TXNDC11: variants seen among roughly 807,000 people sequenced by gnomAD.
TXNDC11 encodes the protein thioredoxin domain containing 11.
In TXNDC11, 68 loss-of-function variants were observed where a neutral mutation model predicts 78.0. The observed-to-expected ratio is 0.87, with a 90% confidence interval of 0.72 to 1.07. TXNDC11 has a LOEUF of 1.07. Ranked by LOEUF, TXNDC11 falls within the 50% of genes least tolerant of loss-of-function variation. TXNDC11 has a pLI of 0.00. For synonymous variants in TXNDC11, 571 were observed against 495.2 expected, an observed-to-expected ratio of 1.15 and a Z score of -2.03; for missense variants, 1,389 against 1,221.8, an observed-to-expected ratio of 1.14 and a Z score of -2.04.
intron 5 of TXNDC11, among the ~76,000 whole-genome samples, chr16:11,703,164 C>G (rs1053047179): frequency 1.3e-5 from 2 of 152,208 alleles, no homozygotes; most frequent in African/African-American, 2.4e-5. Context: ...ACAAATAACC[C>G]TAACTATTGC....
intron 1 of TXNDC11, among the ~76,000 whole-genome samples, chr16:11,740,827 T>C (rs968326943): frequency 6.6e-6 from 1 of 152,246 alleles, no homozygotes; most frequent in African/African-American, 2.4e-5. Context: ...ATTCAAACTT[T>C]AATGGGGATT....
chr16:11,716,967 C>T (rs1056686220), intron 5 of TXNDC11, among the ~76,000 whole-genome samples: 2 of 151,986 alleles, frequency 1.3e-5, no homozygotes, highest in Admixed American at 1.3e-4. Flanking sequence ...AGAAAGGAAA[C>T]ATCATTTTAT....
intron 5 of TXNDC11, among the ~76,000 whole-genome samples, chr16:11,719,312 T>C (rs2051634426): frequency 6.6e-6 from 1 of 152,238 alleles, no homozygotes; most frequent in Non-Finnish European, 1.5e-5. Flanking sequence ...GGATGCTTCT[T>C]AAGCTTATTT....
chr16:11,717,694 G>A lies in TXNDC11; in HGVS notation c.793+3883C>T, dbSNP rs534755598. Among the ~76,000 whole-genome samples the A allele has an allele frequency of 2.4e-3, 365 of 151,644 alleles. 4 individuals carry two copies. Among genetic ancestry groups the A allele is most frequent in the Admixed American group, 3.7e-3 (57 of 15,212 alleles). Reference sequence around the variant, plus strand: ...AAATAAGCTGGGCGTGGTGGCAGGCGCCTGTAATCCCAGCTACTCGGGAGG... The same window carrying A: ...AAATAAGCTGGGCGTGGTGGCAGGCACCTGTAATCCCAGCTACTCGGGAGG... On this transcript the variant is annotated intron_variant, in intron 5 of 11. Coordinates refer to ENST00000283033, the MANE Select transcript of TXNDC11 (RefSeq NM_015914.7).
rs569502756 is a variant in TXNDC11, at chr16:11,693,463, G to A, written c.1108-1381C>T. ...CACTCAGGATTTTGTTTCGCTGTGT[G>A]TGTGTGTGTGTCTGTGTGTCTGCAT... On this transcript the variant is annotated intron_variant, in intron 7 of 11. Transcript: ENST00000283033. Among the ~76,000 whole-genome samples the A allele has an allele frequency of 1.1e-4, 16 of 152,250 alleles. No homozygotes were observed. In the South Asian group the frequency reaches 3.3e-3, roughly 32 times the overall value.
At chr16:11,681,470 C>T (rs1460301935) in intron 11 of TXNDC11, among the ~76,000 whole-genome samples, 1 of 152,216 alleles carries the variant, frequency 6.6e-6, no homozygotes, top group African/African-American at 2.4e-5. Context: ...TACTGCCACA[C>T]TTTGTGAAAG....
intron 7 of TXNDC11, among the ~76,000 whole-genome samples, chr16:11,696,133 C>T (rs1183612157): frequency 6.6e-6 from 1 of 152,114 alleles, no homozygotes; most frequent in Non-Finnish European, 1.5e-5. Flanking sequence ...CAAGATCTCT[C>T]CCCAGTTAGC....
Position 11,691,817 on chromosome 16 carries a change from A to G in TXNDC11, c.1373T>C (p.Val458Ala). 6.2e-7 allele frequency: 1 copy of G among 1,614,258 alleles called. No individual in the cohort carries two copies. Among genetic ancestry groups the G allele is most frequent in the Non-Finnish European group, 8.5e-7 (1 of 1,180,044 alleles). Residue 458 changes from valine to alanine, a missense_variant, in exon 8 of 12, where the codon GTC (valine) becomes GCC (alanine). Val to Ala is a moderately conservative substitution (Grantham distance 64). Coordinates refer to ENST00000283033, the MANE Select transcript of TXNDC11 (RefSeq NM_015914.7). ...QTSGGMKPSS[V>A]SVPQCSFFEM... is the part of the protein sequence containing the mutation. ...AAAAAAGCTGCACTGTGGCACGCTG[A>G]CCGAGCTCGGCTTCATGCCCCCGGA...
chr16:11,679,881 C>G lies in TXNDC11; in HGVS notation c.2235-44G>C. ...GAAGCAAAGACAGGAGTCACACCAA[C>G]ACAATGAGTCCAAAAGCAGGCTGTA... On this transcript the variant is annotated intron_variant, in intron 11 of 11. Coordinates refer to ENST00000283033, the MANE Select transcript of TXNDC11 (RefSeq NM_015914.7). The surrounding 1 kb of genome is among the most constrained non-coding windows in gnomAD (Gnocchi z 4.6). 1 of 1,548,902 alleles carries G rather than the reference C, an allele frequency of 6.5e-7. No homozygotes were observed. The highest frequency in any genetic ancestry group is 8.8e-7 in the Non-Finnish European group (1 of 1,135,112).
intron 4 of TXNDC11, among the ~76,000 whole-genome samples, chr16:11,727,852 G>A (rs10492852): frequency 0.3 from 46,286 of 152,060 alleles, 8,736 homozygotes; most frequent in Non-Finnish European, 0.43. Flanking sequence ...CAATTCTTCA[G>A]AGCAGTAGTT....
chr16:11,710,407 A>G (rs996345765), intron 5 of TXNDC11, among the ~76,000 whole-genome samples: 2 of 152,190 alleles, frequency 1.3e-5, no homozygotes, highest in African/African-American at 4.8e-5. Flanking sequence ...GCCTACAAAA[A>G]TAGGCCAAGG....
At chr16:11,719,481 A>T (rs1344991285) in intron 5 of TXNDC11, among the ~76,000 whole-genome samples, 1 of 152,246 alleles carries the variant, frequency 6.6e-6, no homozygotes, top group Non-Finnish European at 1.5e-5. Flanking sequence ...TGAATATAGT[A>T]GATTCTCTGT....
chr16:11,691,206 T>C, intron 8 of TXNDC11, 84 bp downstream of exon 8: 7 of 1,167,642 alleles, frequency 6.0e-6, no homozygotes, highest in South Asian at 2.9e-5. Context: ...CACAACTAAA[T>C]GTAATGAGAG....
intron 8 of TXNDC11, 162 bp downstream of exon 8, chr16:11,691,128 G>C (rs2050701595): frequency 1.6e-6 from 1 of 625,832 alleles, no homozygotes; most frequent in Admixed American, 3.2e-5. Flanking sequence ...GACAAAATTA[G>C]CTTCTTTGAA....
In TXNDC11 at chr16:11,691,657, G is replaced by A. The variant is rs964869937; in HGVS notation, c.1533C>T (p.Thr511=). ...TGAAGCCTGACACACCCCTGCTTAT[G>A]GTCCTGCAACATGCAGTGTAGTAGC... ...PFSYYTACCR[T]ISRGVSGFID... The change falls in exon 8 of 12, where the codon ACC becomes ACT. Residue 511 remains threonine (T), a synonymous_variant. Coordinates refer to ENST00000283033, the MANE Select transcript of TXNDC11 (RefSeq NM_015914.7). The A allele has an allele frequency of 3.1e-6, 5 of 1,614,178 alleles. No homozygotes were observed. In the Admixed American group the frequency reaches 5.0e-5, roughly 16 times the overall value.
chr16:11,696,350 G>A (rs1477503458), intron 7 of TXNDC11, among the ~76,000 whole-genome samples: 2 of 152,184 alleles, frequency 1.3e-5, no homozygotes, highest in African/African-American at 4.8e-5. Flanking sequence ...CCCGCTTTCT[G>A]AGATGGCACC....
At chr16:11,723,415 T>C (rs2051772712) in intron 4 of TXNDC11, among the ~76,000 whole-genome samples, 1 of 151,918 alleles carries the variant, frequency 6.6e-6, no homozygotes, top group South Asian at 2.1e-4. Context: ...TGGAACCCTG[T>C]CTCTACTGAA....
At chr16:11,718,417 T>C (rs141386275) in intron 5 of TXNDC11, among the ~76,000 whole-genome samples, 8 of 152,340 alleles carry the variant, frequency 5.3e-5, no homozygotes, top group African/African-American at 1.9e-4. Context: ...ATGTGTCAAA[T>C]GTTTCTCCAG....
At chr16:11,734,330 G>C (rs761866978) in intron 2 of TXNDC11, among the ~76,000 whole-genome samples, 7 of 152,186 alleles carry the variant, frequency 4.6e-5, no homozygotes, top group Non-Finnish European at 5.9e-5. Context: ...CAGTTCAAAA[G>C]ATTTCTGTGT....
Sources: allele counts gnomAD v4.1 joint callset (sites outside exome capture counted in the v4.1 genomes callset), GRCh38; gene constraint gnomAD v4.1.1; non-coding constraint Gnocchi (gnomAD v3.1); transcripts MANE v1.5; gene names NCBI Gene and HGNC (gene_info 2026-07-23, HGNC 2026-07-21).